The following SAMD5 variants were observed in gnomAD, a reference collection of about 807,000 sequenced individuals.
SAMD5 encodes sterile alpha motif domain-containing protein 5.
A neutral mutation model predicts 11.3 loss-of-function variants in SAMD5; 13 were observed. That is an observed-to-expected ratio of 1.15 (90% confidence interval 0.75 to 1.83). The LOEUF (loss-of-function observed/expected upper bound fraction) is 1.83. SAMD5 is among the 40% of genes most tolerant of loss of function. SAMD5 has a pLI of 0.00. For missense variants in SAMD5, 255 were observed against 239.1 expected, an observed-to-expected ratio of 1.07 and a Z score of -0.44; for synonymous variants, 129 against 111.3, an observed-to-expected ratio of 1.16 and a Z score of -1.00.
At chr6:147,833,916 A>G in the SAMD5 span, among the ~76,000 whole-genome samples, 1 of 152,176 alleles carries the variant, frequency 6.6e-6, no homozygotes, top group Admixed American at 6.5e-5. Flanking sequence ...TGCTTTGTGA[A>G]GCTAATAGAT....
chr6:147,752,927 A>G, the SAMD5 span, among the ~76,000 whole-genome samples: 1 of 152,218 alleles, frequency 6.6e-6, no homozygotes, highest in Non-Finnish European at 1.5e-5. Flanking sequence ...TACTTACTGT[A>G]TACTTAAGGA....
At chr6:147,798,952 C>G in the SAMD5 span, among the ~76,000 whole-genome samples, 1 of 152,114 alleles carries the variant, frequency 6.6e-6, no homozygotes, top group Non-Finnish European at 1.5e-5. Context: ...TATTTTGAGC[C>G]TATGTGTGTC....
chr6:147,837,524 G>A, the SAMD5 span, among the ~76,000 whole-genome samples: 1 of 152,200 alleles, frequency 6.6e-6, no homozygotes, highest in African/African-American at 2.4e-5. Flanking sequence ...AAAATGTTCT[G>A]TCCCCTTCTA....
chr6:147,624,769 G>A (rs1316088613), intron 1 of SAMD5, among the ~76,000 whole-genome samples: 3 of 151,808 alleles, frequency 2.0e-5, no homozygotes, highest in African/African-American at 4.8e-5. Flanking sequence ...AATTGGGTTC[G>A]GTGTATACTG....
At chr6:147,579,256 A>G (rs1158739898) in intron 1 of SAMD5, among the ~76,000 whole-genome samples, 2 of 152,228 alleles carry the variant, frequency 1.3e-5, no homozygotes, top group African/African-American at 2.4e-5. Context: ...ATGCTTACAT[A>G]CTGGGAAAGT....
At chr6:147,674,968 A>C (rs543091385) in intron 1 of SAMD5, among the ~76,000 whole-genome samples, 37 of 152,342 alleles carry the variant, frequency 2.4e-4, no homozygotes, top group African/African-American at 8.7e-4. Flanking sequence ...ACCCTTGCCC[A>C]TGGCAGACAT....
At chr6:147,686,920 A>T (rs1791020274) in intron 1 of SAMD5, among the ~76,000 whole-genome samples, 1 of 152,140 alleles carries the variant, frequency 6.6e-6, no homozygotes, top group Non-Finnish European at 1.5e-5. Context: ...TCTGGGATAC[A>T]TGTGCCGAAC....
intron 1 of SAMD5, among the ~76,000 whole-genome samples, chr6:147,705,552 T>G (rs996555339): frequency 2.0e-5 from 3 of 152,178 alleles, no homozygotes; most frequent in Non-Finnish European, 4.4e-5. Flanking sequence ...AAAATTCCAT[T>G]AAGAAATAGT....
At chr6:147,645,134 G>C (rs1790378623) in intron 1 of SAMD5, among the ~76,000 whole-genome samples, 1 of 152,022 alleles carries the variant, frequency 6.6e-6, no homozygotes, top group Non-Finnish European at 1.5e-5. Flanking sequence ...AGGCTCCGTG[G>C]GACTTCCAGG....
chr6:147,641,708 C>T (rs972486233), intron 1 of SAMD5, among the ~76,000 whole-genome samples: 2 of 151,804 alleles, frequency 1.3e-5, no homozygotes, highest in Non-Finnish European at 2.9e-5. Context: ...ACATGGTTAA[C>T]ATCCAGCGGT....
At chr6:147,837,536 A>G in the SAMD5 span, among the ~76,000 whole-genome samples, 62 of 152,156 alleles carry the variant, frequency 4.1e-4, no homozygotes, top group African/African-American at 1.5e-3. Context: ...CCCCTTCTAC[A>G]CTGCGTGGTA....
intron 1 of SAMD5, among the ~76,000 whole-genome samples, chr6:147,519,603 G>A (rs1788221005): frequency 6.6e-6 from 1 of 152,106 alleles, no homozygotes; most frequent in Non-Finnish European, 1.5e-5. Flanking sequence ...ATATATCATG[G>A]TGTTATTGTT....
chr6:147,844,935 C>G, the SAMD5 span, among the ~76,000 whole-genome samples: 1 of 152,004 alleles, frequency 6.6e-6, no homozygotes, highest in Non-Finnish European at 1.5e-5. Flanking sequence ...AGCAGGGTGA[C>G]TATACTTAAT....
At chr6:147,789,624 T>C in the SAMD5 span, among the ~76,000 whole-genome samples, 3 of 152,220 alleles carry the variant, frequency 2.0e-5, no homozygotes, top group Non-Finnish European at 2.9e-5. Flanking sequence ...TGATACATTG[T>C]TATTATCATT....
the SAMD5 span, among the ~76,000 whole-genome samples, chr6:147,863,729 C>T: frequency 6.6e-6 from 1 of 151,656 alleles, no homozygotes; most frequent in East Asian, 1.9e-4. Context: ...ATCTTGGTGT[C>T]CATCCCCCAC....
At chr6:147,540,783 G>A (rs520091) in intron 1 of SAMD5, among the ~76,000 whole-genome samples, 197 of 152,020 alleles carry the variant, frequency 1.3e-3, no homozygotes, top group Admixed American at 4.5e-3. Flanking sequence ...GAGAGGGGGG[G>A]GGTCCAGAAA....
chr6:147,745,470 C>T, the SAMD5 span, among the ~76,000 whole-genome samples: 15,164 of 152,118 alleles, frequency 0.1, 813 homozygotes, highest in South Asian at 0.13. Context: ...GAGGTAGGTC[C>T]GATTATTATA....
chr6:147,682,004 C>G (rs1221348605), intron 1 of SAMD5, among the ~76,000 whole-genome samples: 1 of 152,040 alleles, frequency 6.6e-6, no homozygotes, highest in Non-Finnish European at 1.5e-5. Flanking sequence ...ACTTAGCTGA[C>G]AGTGCATGAA....
intron 1 of SAMD5, among the ~76,000 whole-genome samples, chr6:147,667,358 T>A (rs1247367755): frequency 6.6e-6 from 1 of 152,192 alleles, no homozygotes; most frequent in African/African-American, 2.4e-5. Flanking sequence ...TTGCAGGAAT[T>A]GGTAATAATC....
Sources: gnomAD v4.1 joint callset for allele counts (sites outside exome capture counted in the v4.1 genomes callset) on GRCh38, gnomAD v4.1.1 for gene constraint, MANE v1.5 for transcripts, NCBI Gene and HGNC (gene_info 2026-07-23, HGNC 2026-07-21) for gene names.